Variants in ADGRE3 observed in about 807,000 individuals in gnomAD.
The protein encoded by ADGRE3 is EGF-like module receptor 3.
Under a neutral mutation model 80.1 loss-of-function variants are expected in ADGRE3, and 88 were observed. The ratio of observed to expected loss-of-function variants is 1.10; its 90% CI spans 0.93 to 1.31. ADGRE3 has a LOEUF of 1.31. ADGRE3 is among the 40% of genes most tolerant of loss of function. The pLI is 0.00. For missense variants in ADGRE3, 715 were observed against 776.5 expected (o/e 0.92, Z 0.94); for synonymous variants, 281 against 294.8 (o/e 0.95, Z 0.48).
At chr19:14,674,372 CT>C (rs1439075027) in intron 1 of ADGRE3, among the ~76,000 whole-genome samples, 1 of 152,030 alleles carries the variant, frequency 6.6e-6, no homozygotes, top group Non-Finnish European at 1.5e-5. Flanking sequence ...TGATGTGTGC[CT>C]GTAATCCCAG....
intron 15 of ADGRE3, among the ~76,000 whole-genome samples, chr19:14,623,744 A>C (rs1163829192): frequency 6.6e-6 from 1 of 152,160 alleles, no homozygotes; most frequent in Admixed American, 6.5e-5. Flanking sequence ...TGCTATGCCT[A>C]CACTTGTAAA....
chr19:14,658,497 A>C lies in ADGRE3; in HGVS notation c.393+16T>G, dbSNP rs781777456. The C allele has an allele frequency of 5.2e-6, 8 of 1,548,488 alleles. No individual in the cohort carries two copies. The highest frequency in any genetic ancestry group is 1.9e-5 in the Admixed American group (1 of 53,864). Reference sequence around the variant, plus strand: ...TTTGTTACCTGGGAAGGGTCTGGGGATCAGCCTCCACTCACCTCTTTCCTG... The same window carrying C: ...TTTGTTACCTGGGAAGGGTCTGGGGCTCAGCCTCCACTCACCTCTTTCCTG... On this transcript the variant is annotated intron_variant, in intron 5 of 15. Coordinates refer to ENST00000253673, the MANE Select transcript of ADGRE3 (RefSeq NM_032571.5).
At chr19:14,638,069 A>G in intron 11 of ADGRE3, 36 bp downstream of exon 11, 31 of 1,513,262 alleles carry the variant, frequency 2.0e-5, no homozygotes, top group Non-Finnish European at 2.8e-5. Flanking sequence ...CTTTCTTAGG[A>G]AACTGTCCAT....
chr19:14,624,376 G>A (rs1970680843), intron 15 of ADGRE3, among the ~76,000 whole-genome samples: 1 of 152,182 alleles, frequency 6.6e-6, no homozygotes, highest in African/African-American at 2.4e-5. Flanking sequence ...TTATAGGCGT[G>A]AGCCACTGTG....
chr19:14,641,584 G>C lies in ADGRE3; in HGVS notation c.1083C>G (p.Tyr361Ter). The change falls in exon 10 of 16, where the codon TAC (tyrosine) becomes TAG (stop). Residue 361 changes from tyrosine (Y) to a stop codon, truncating the protein, a stop_gained. Coordinates refer to ENST00000253673, the MANE Select transcript of ADGRE3 (RefSeq NM_032571.5). LOFTEE classifies it high-confidence loss of function. ...ACAGCAGAGAGACGCTCAGCCCCAC[G>C]TAGGTGATGACAGTCAGCACGGGAT... The part of the protein sequence containing the change: ...EEDPVLTVIT[Y>*]VGLSVSLLCL... 6.2e-7 allele frequency: 1 copy of C among 1,614,164 alleles called. No homozygotes were observed. The highest frequency in any genetic ancestry group is 2.2e-5 in the East Asian group (1 of 44,862).
At chr19:14,622,006 T>C in intron 15 of ADGRE3, 1 of 1,032,860 alleles carries the variant, frequency 9.7e-7, no homozygotes, top group South Asian at 1.6e-5. Flanking sequence ...TGTCCCGACT[T>C]TCTACCTTGG....
At chr19:14,636,025 C>CTTCT (rs1971037284) in intron 11 of ADGRE3, among the ~76,000 whole-genome samples, 1 of 89,018 alleles carries the variant, frequency 1.1e-5, no homozygotes, top group African/African-American at 4.0e-5. Context: ...TCCTTCCTTC[C>CTTCT]TTCCTTCCTT....
In ADGRE3 at chr19:14,647,224, AC is replaced by A. The variant is rs1971433545; in HGVS notation, c.838del (p.Val280CysfsTer7). 1 of 1,614,058 alleles carries A rather than the reference AC, an allele frequency of 6.2e-7. No homozygotes were observed. Among genetic ancestry groups the A allele is most frequent in the Non-Finnish European group, 8.5e-7 (1 of 1,180,000 alleles). On this transcript the variant is annotated frameshift_variant, in exon 8 of 16. Coordinates refer to ENST00000253673, the MANE Select transcript of ADGRE3 (RefSeq NM_032571.5). LOFTEE classifies it high-confidence loss of function. ...VSAAIGPKRN[V>X]SLSKSVTLTF... ...CAGCGTCACAGACTTGGAGAGAGACACGTTCCTTTTGGGTCCAATAGCAGCA... is the reference window on the plus strand; with the variant it reads ...CAGCGTCACAGACTTGGAGAGAGACAGTTCCTTTTGGGTCCAATAGCAGCA...
the ADGRE3 span, among the ~76,000 whole-genome samples, chr19:14,603,494 C>G: frequency 1.3e-5 from 2 of 151,688 alleles, no homozygotes; most frequent in African/African-American, 4.9e-5. Context: ...GGATCTTGCT[C>G]TGTTGCCCAG....
At chr19:14,609,183 C>G in the ADGRE3 span, among the ~76,000 whole-genome samples, 1 of 152,164 alleles carries the variant, frequency 6.6e-6, no homozygotes, top group South Asian at 2.1e-4. Context: ...ACCTAAGACA[C>G]TACCCAACTC....
intron 15 of ADGRE3, among the ~76,000 whole-genome samples, chr19:14,623,298 AT>A (rs141453890): frequency 0.41 from 16,532 of 39,856 alleles, 5,561 homozygotes; most frequent in East Asian, 0.68. Flanking sequence ...AAAAAAAAAA[AT>A]AAAAAAAAAA....
the ADGRE3 span, chr19:14,600,306 T>C: frequency 8.6e-7 from 1 of 1,168,594 alleles, no homozygotes; most frequent in South Asian, 1.5e-5. Context: ...TACTAAAACT[T>C]TAACAGCAAG....
chr19:14,658,523 C>A lies in ADGRE3; in HGVS notation c.383G>T (p.Gly128Val). Reference sequence around the variant, plus strand: ...TCAGCCTCCACTCACCTCTTTCCTGCCCTCGGTTGTCTTTGAGGAGGTGGT... The same window carrying A: ...TCAGCCTCCACTCACCTCTTTCCTGACCTCGGTTGTCTTTGAGGAGGTGGT... ...QDTTSSKTTE[G>V]RKELQKIVDK... is the part of the protein sequence containing the mutation. Residue 128 changes from glycine to valine, a missense_variant, in exon 5 of 16, where the codon GGC (glycine) becomes GTC (valine). Transcript: ENST00000253673. The A allele has an allele frequency of 6.4e-7, 1 of 1,568,940 alleles. No individual in the cohort carries two copies. The highest frequency in any genetic ancestry group is 1.2e-5 in the South Asian group (1 of 85,552).
intron 5 of ADGRE3, among the ~76,000 whole-genome samples, chr19:14,658,056 C>T (rs975985140): frequency 2.0e-5 from 3 of 152,146 alleles, no homozygotes; most frequent in African/African-American, 7.2e-5. Flanking sequence ...TGAGCCACCA[C>T]GCCAAGCCCG....
Position 14,671,130 on chromosome 19 carries a change from G to C in ADGRE3, c.26-2278C>G, listed in dbSNP as rs139177269. 6.1e-4 allele frequency among the ~76,000 whole-genome samples: 93 copies of C among 152,308 alleles called. 1 individual carries two copies. Among genetic ancestry groups the C allele is most frequent in the African/African-American group, 2.2e-3 (91 of 41,558 alleles). The stretch of plus-strand genomic sequence containing the variant: ...TGACTCTTCAGGAGAGGTAATGGCA[G>C]CAATCTAAATCCTTCTGGATCTCTC... On this transcript the variant is annotated intron_variant, in intron 1 of 15. Coordinates refer to ENST00000253673, the MANE Select transcript of ADGRE3 (RefSeq NM_032571.5).
At chr19:14,664,993 TG>T (rs1972051148) in intron 2 of ADGRE3, among the ~76,000 whole-genome samples, 5 of 151,922 alleles carry the variant, frequency 3.3e-5, no homozygotes, top group Admixed American at 3.3e-4. Context: ...CTCTGTTCTT[TG>T]GTTTTCATGT....
At chr19:14,613,961 C>T in the ADGRE3 span, among the ~76,000 whole-genome samples, 7 of 152,082 alleles carry the variant, frequency 4.6e-5, no homozygotes, top group Non-Finnish European at 8.8e-5. Flanking sequence ...GCTGGGATTA[C>T]AGGTGTGAGC....
chr19:14,617,422 GA>G (rs1333710370), downstream of ADGRE3, among the ~76,000 whole-genome samples: 1 of 94,776 alleles, frequency 1.1e-5, no homozygotes, highest in African/African-American at 3.6e-5. Flanking sequence ...TTTCTTGATG[GA>G]GTCTTACTCT....
intron 2 of ADGRE3, 133 bp downstream of exon 2, chr19:14,668,669 T>C (rs1259380892): frequency 1.6e-6 from 1 of 614,430 alleles, no homozygotes. Context: ...AAACAAATAA[T>C]GAAACACAGG....
Sources: gnomAD v4.1 joint callset for allele counts (sites outside exome capture counted in the v4.1 genomes callset) on GRCh38, gnomAD v4.1.1 for gene constraint, MANE v1.5 for transcripts, NCBI Gene and HGNC (gene_info 2026-07-23, HGNC 2026-07-21) for gene names.